The following TLL1 variants were observed in gnomAD, a reference collection of about 807,000 sequenced individuals.
TLL1 encodes the protein tolloid like 1, also known as tolloid-like protein 1.
Under a neutral mutation model 128.2 loss-of-function variants are expected in TLL1, and 49 were observed. The observed-to-expected ratio is 0.38, with a 90% CI of 0.30 to 0.48. The LOEUF is 0.48. Among genes scored for constraint, TLL1 ranks in the 20% least tolerant of loss-of-function variants. TLL1 has a pLI of 0.96. For synonymous variants in TLL1, 454 were observed against 418.8 expected (o/e 1.08, Z -1.03); for missense variants, 1,123 against 1,242.0 (o/e 0.90, Z 1.44).
At chr4:165,879,153 C>T (rs1730863897) in intron 1 of TLL1, among the ~76,000 whole-genome samples, 1 of 151,774 alleles carries the variant, frequency 6.6e-6, no homozygotes, top group Non-Finnish European at 1.5e-5. Context: ...CACCATGTTG[C>T]CTAGGCTGGT....
At chr4:165,983,741 T>C (rs934547060) in intron 1 of TLL1, among the ~76,000 whole-genome samples, 3 of 151,850 alleles carry the variant, frequency 2.0e-5, no homozygotes, top group Admixed American at 6.6e-5. Context: ...AGTTTCTTTC[T>C]TTATTTTTTT....
rs77950577 is a variant in TLL1, at chr4:166,007,638, A to G, written c.812-305A>G. Among the ~76,000 whole-genome samples, 24 of 151,918 alleles carry G rather than the reference A, an allele frequency of 1.6e-4. No homozygotes were observed. In the East Asian group the frequency reaches 4.3e-3, roughly 27 times the overall value. On this transcript the variant is annotated intron_variant, in intron 6 of 20. Coordinates refer to ENST00000061240, the MANE Select transcript of TLL1 (RefSeq NM_012464.5). ...ATTATTTGTACATTACCAAAAGTGC[A>G]GTAAGATTTTAAAGAAATAAATATT...
rs571041569 is a variant in TLL1, at chr4:166,085,184, G to A, written c.2443-5944G>A. 1.3e-4 allele frequency among the ~76,000 whole-genome samples: 19 copies of A among 149,880 alleles called. No homozygotes were observed. In the South Asian group the frequency reaches 3.2e-3, roughly 25 times the overall value. ...TACTTTCTAATAGGTTTCTGGTGGA[G>A]TCTTCAGAGTTTTCTCCGCATGAGA... is the stretch of plus-strand genomic sequence containing the variant. On this transcript the variant is annotated intron_variant, in intron 18 of 20. Coordinates refer to ENST00000061240, the MANE Select transcript of TLL1 (RefSeq NM_012464.5).
At chr4:165,959,158 T>G (rs1198991815) in intron 1 of TLL1, among the ~76,000 whole-genome samples, 2 of 152,092 alleles carry the variant, frequency 1.3e-5, no homozygotes, top group African/African-American at 4.8e-5. Context: ...TGCCTCCGGC[T>G]TTGTTCTTTT....
At chr4:165,974,133 CTTTT>C (rs199741025) in intron 1 of TLL1, among the ~76,000 whole-genome samples, 2 of 60,750 alleles carry the variant, frequency 3.3e-5, no homozygotes, top group Non-Finnish European at 5.3e-5. Flanking sequence ...TGGACCTCAT[CTTTT>C]TTTTTTTTTT....
chr4:165,901,297 A>G (rs1369531245), intron 1 of TLL1, among the ~76,000 whole-genome samples: 3 of 152,112 alleles, frequency 2.0e-5, no homozygotes, highest in African/African-American at 7.2e-5. Context: ...AGGAGTTGTG[A>G]TCCTTTGGAG....
intron 1 of TLL1, among the ~76,000 whole-genome samples, chr4:165,879,459 T>C (rs1730884144): frequency 6.6e-6 from 1 of 152,184 alleles, no homozygotes; most frequent in Non-Finnish European, 1.5e-5. Flanking sequence ...TTCAGACCTT[T>C]CAATTATTGA....
chr4:166,086,214 C>A (rs921848567), intron 18 of TLL1, among the ~76,000 whole-genome samples: 3 of 152,006 alleles, frequency 2.0e-5, no homozygotes, highest in Non-Finnish European at 4.4e-5. Flanking sequence ...TATTACTGTA[C>A]ATTAATATGA....
intron 19 of TLL1, among the ~76,000 whole-genome samples, chr4:166,093,000 G>A (rs567949167): frequency 2.6e-5 from 4 of 152,200 alleles, no homozygotes; most frequent in South Asian, 4.1e-4. Flanking sequence ...CGCCATTTGC[G>A]GTGTTTGCAT....
At chr4:165,989,650 T>A (rs112296675) in intron 2 of TLL1, among the ~76,000 whole-genome samples, 159 bp downstream of exon 2, 10 of 139,494 alleles carry the variant, frequency 7.2e-5, no homozygotes, top group African/African-American at 2.6e-4. Flanking sequence ...TATTCATAGT[T>A]TTCATTTTAT....
intron 1 of TLL1, among the ~76,000 whole-genome samples, chr4:165,972,400 A>G (rs1735669368): frequency 6.6e-6 from 1 of 152,158 alleles, no homozygotes; most frequent in Non-Finnish European, 1.5e-5. Context: ...ATGATGCTAC[A>G]TGGTTGTTCC....
chr4:166,066,790 C>G (rs535715444), intron 16 of TLL1, among the ~76,000 whole-genome samples: 1 of 151,684 alleles, frequency 6.6e-6, no homozygotes, highest in Non-Finnish European at 1.5e-5. Context: ...CCTCGGCTCC[C>G]GTGTTCTCAT....
intron 18 of TLL1, among the ~76,000 whole-genome samples, chr4:166,088,674 A>C (rs1010900042): frequency 2.6e-5 from 4 of 152,130 alleles, no homozygotes; most frequent in African/African-American, 7.2e-5. Flanking sequence ...TTACTAGAGT[A>C]TATGTCAGCT....
intron 8 of TLL1, among the ~76,000 whole-genome samples, chr4:166,023,831 A>C (rs994395138): frequency 3.5e-4 from 54 of 152,258 alleles, no homozygotes; most frequent in African/African-American, 1.2e-3. Context: ...ACTTGAGGAA[A>C]TTCAGTACTG....
intron 16 of TLL1, among the ~76,000 whole-genome samples, chr4:166,071,811 A>G (rs1471103189): frequency 6.6e-6 from 1 of 152,006 alleles, no homozygotes; most frequent in Non-Finnish European, 1.5e-5. Flanking sequence ...TGAAGTTGCC[A>G]TTTCTCATCA....
intron 1 of TLL1, among the ~76,000 whole-genome samples, chr4:165,886,719 A>T (rs1191562029): frequency 2.0e-5 from 3 of 152,222 alleles, no homozygotes; most frequent in African/African-American, 4.8e-5. Context: ...TGCTATGAGA[A>T]TAGTAATACT....
At chr4:165,902,061 A>G (rs1326574849) in intron 1 of TLL1, among the ~76,000 whole-genome samples, 3 of 152,108 alleles carry the variant, frequency 2.0e-5, no homozygotes, top group African/African-American at 7.2e-5. Flanking sequence ...AAAACCGACT[A>G]CTTAAGCTCA....
chr4:165,880,173 C>A (rs528997255), intron 1 of TLL1, among the ~76,000 whole-genome samples: 2 of 152,222 alleles, frequency 1.3e-5, no homozygotes, highest in South Asian at 4.1e-4. Context: ...TCATTCTTGT[C>A]ATTGTGAGCC....
intron 18 of TLL1, among the ~76,000 whole-genome samples, chr4:166,087,105 C>G (rs990320112): frequency 1.3e-5 from 2 of 152,076 alleles, no homozygotes; most frequent in Non-Finnish European, 2.9e-5. Context: ...TTGAGGGTAC[C>G]TTTTTACCTT....
Sources: gnomAD v4.1 joint callset for allele counts (sites outside exome capture counted in the v4.1 genomes callset) on GRCh38, gnomAD v4.1.1 for gene constraint, MANE v1.5 for transcripts, NCBI Gene and HGNC (gene_info 2026-07-23, HGNC 2026-07-21) for gene names.